The following PLA2G4B variants were observed in gnomAD, a reference collection of about 807,000 sequenced individuals.
PLA2G4B encodes phospholipase A2 group IVB, also known as cytosolic phospholipase A2 beta.
In PLA2G4B, 122 loss-of-function variants were observed where a neutral mutation model predicts 95.8. That is an observed-to-expected ratio of 1.27 (90% CI 1.10 to 1.48). PLA2G4B has a LOEUF of 1.48. Among genes scored for constraint, PLA2G4B ranks in the 40% most tolerant of loss-of-function variants. The pLI is 0.00. For missense variants in PLA2G4B, 1,158 were observed against 996.2 expected (o/e 1.16, Z -2.19); for synonymous variants, 518 against 421.5 (o/e 1.23, Z -2.80).
In PLA2G4B at chr15:41,848,125, C is replaced by T; in HGVS notation, c.*265C>T. ...CCTTGAGTAGTTGGAGCACTTGATACATCACAGACTCATACAAATGTGAGG... is the reference window on the plus strand; with the variant it reads ...CCTTGAGTAGTTGGAGCACTTGATATATCACAGACTCATACAAATGTGAGG... On this transcript the variant is annotated 3_prime_UTR_variant, in exon 20 of 20. Transcript: ENST00000458483. 1.7e-6 allele frequency: 1 copy of T among 576,218 alleles called. No individual in the cohort carries two copies. Among genetic ancestry groups the T allele is most frequent in the Non-Finnish European group, 3.1e-6 (1 of 323,126 alleles). 35.7% of individuals were successfully genotyped at this position (576,218 alleles called of 1,614,324 possible).
In PLA2G4B at chr15:41,840,832, T is replaced by A; in HGVS notation, c.278T>A (p.Leu93Ter). Residue 93 changes from leucine (L) to a stop codon, truncating the protein, a stop_gained, in exon 4 of 20, where the codon TTG becomes TAG. Transcript: ENST00000458483. LOFTEE classifies it high-confidence loss of function. ...CTGGTGACCGGAGATGACCCTGTGT[T>A]GTCAGTACTGTTTGATGCGGGGACT... Reference protein sequence around the residue: ...QDLVTGDDPVLSVLFDAGTLR... With the variant: ...QDLVTGDDPV 1 of 1,614,096 alleles carries A rather than the reference T, an allele frequency of 6.2e-7. No individual in the cohort carries two copies. The highest frequency in any genetic ancestry group is 1.3e-5 in the African/African-American group (1 of 75,048).
chr15:41,847,365 A>T lies in PLA2G4B; in HGVS notation c.1976A>T (p.Gln659Leu). ...TTGCAGCTCCTGGGCCGGTTCTGCC[A>T]GGAGCAGGGGATCCCGTTCCCACCC... ...QQLQLLGRFC[Q>L]EQGIPFPPIS... Residue 659 changes from glutamine to leucine, a missense_variant, in exon 19 of 20, where the codon CAG becomes CTG. Physicochemically the swap from Gln to Leu is moderately radical, Grantham distance 113. Transcript: ENST00000458483. 6.2e-7 allele frequency: 1 copy of T among 1,608,840 alleles called. No individual in the cohort carries two copies.
intron 9 of PLA2G4B, 119 bp from the exon 10 acceptor site, chr15:41,842,435 G>C: frequency 6.4e-7 from 1 of 1,564,916 alleles, no homozygotes; most frequent in Non-Finnish European, 8.6e-7. Context: ...CCTGCTTCAG[G>C]CCTGGCGCCT....
intron 11 of PLA2G4B, 133 bp from the exon 12 acceptor site, chr15:41,844,338 G>C: frequency 6.9e-7 from 1 of 1,459,734 alleles, no homozygotes; most frequent in East Asian, 2.3e-5. Flanking sequence ...GGCTGACTGA[G>C]AACTGGTCCC....
Position 41,844,546 on chromosome 15 carries a change from C to G in PLA2G4B, c.955C>G (p.Leu319Val), listed in dbSNP as rs761102637. The G allele has an allele frequency of 1.2e-6, 2 of 1,614,210 alleles. No homozygotes were observed. Among genetic ancestry groups the G allele is most frequent in the Non-Finnish European group, 1.7e-6 (2 of 1,180,020 alleles). Residue 319 changes from leucine (L) to valine (V), a missense_variant, in exon 12 of 20, where the codon CTG becomes GTG. Physicochemically the swap from Leu to Val is conservative, Grantham distance 32. Transcript: ENST00000458483. ...TTCCCTGTATGGGCAGCTGGCTGGC[C>G]TGAAGGAGCTGGGCCTCTTGGATTG... Reference protein sequence around the residue: ...MTSLYGQLAGLKELGLLDCVS... With the variant: ...MTSLYGQLAGVKELGLLDCVS...
Position 41,841,961 on chromosome 15 carries a change from C to CG in PLA2G4B, c.621+13dup. ...GTATTCGCCTGCAGGTAGTGTGCCTCGCTCCCTCGAGGTGGGGCCCCCAGA... is the reference window on the plus strand; with the variant it reads ...GTATTCGCCTGCAGGTAGTGTGCCTCGGCTCCCTCGAGGTGGGGCCCCCAGA... On this transcript the variant is annotated intron_variant, in intron 8 of 19. Transcript: ENST00000458483. 6.2e-7 allele frequency: 1 copy of CG among 1,607,030 alleles called. No homozygotes were observed. The highest frequency in any genetic ancestry group is 1.1e-5 in the South Asian group (1 of 90,630).
Position 41,847,697 on chromosome 15 carries a change from C to T in PLA2G4B, c.2183C>T (p.Ser728Phe). Residue 728 changes from serine (S) to phenylalanine (F), a missense_variant, in exon 20 of 20, where the codon TCT becomes TTT. Ser to Phe is a radical substitution (Grantham distance 155, BLOSUM62 -2). Coordinates refer to ENST00000458483, the MANE Select transcript of PLA2G4B (RefSeq NM_001114633.2). ...GCGGCAGCTGGGGAGGTGAACCTGT[C>T]TTCATCGGACTCTCCCTACCACTAC... ...EEAAAGEVNL[S>F]SSDSPYHYTK... 2 of 1,613,688 alleles carry T rather than the reference C, an allele frequency of 1.2e-6. No individual in the cohort carries two copies. Among genetic ancestry groups the T allele is most frequent in the Non-Finnish European group, 1.7e-6 (2 of 1,180,054 alleles).
At position 41,846,366 on chromosome 15, in the gene PLA2G4B, C is replaced by T. The variant is rs1452388884; in HGVS notation, c.1764C>T (p.His588=). ...HFHKDYFQHP[H]FSTWKATTLD... ...ACAAAGACTACTTTCAGCATCCTCACTTCTCCACATGGAAAGGTACCTGCT... is the reference window on the plus strand; with the variant it reads ...ACAAAGACTACTTTCAGCATCCTCATTTCTCCACATGGAAAGGTACCTGCT... The change falls in exon 17 of 20, where the codon CAC becomes CAT. Residue 588 remains histidine (H), a synonymous_variant. Transcript: ENST00000458483. 1 of 1,606,456 alleles carries T rather than the reference C, an allele frequency of 6.2e-7. No homozygotes were observed. The highest frequency in any genetic ancestry group is 8.5e-7 in the Non-Finnish European group (1 of 1,173,372).
intron 11 of PLA2G4B, among the ~76,000 whole-genome samples, chr15:41,844,109 G>T (rs1216020180): frequency 6.6e-6 from 1 of 152,206 alleles, no homozygotes; most frequent in Non-Finnish European, 1.5e-5. Flanking sequence ...GTTGGCCCAG[G>T]GTGCTTCAGG....
chr15:41,845,476 T>G, intron 14 of PLA2G4B, 156 bp downstream of exon 14: 3 of 1,448,278 alleles, frequency 2.1e-6, no homozygotes, highest in South Asian at 1.4e-5. Context: ...CCTCAGCCCT[T>G]TGGGAAGGAG....
Position 41,840,898 on chromosome 15 carries a change from GC to G in PLA2G4B, c.347del (p.Pro116LeufsTer87). On this transcript the variant is annotated frameshift_variant, in exon 4 of 20. Transcript: ENST00000458483. LOFTEE classifies it high-confidence loss of function. The part of the protein sequence containing the change: ...GEFRRESFSL[S>X]PQGEGRLEVE... ...TTCCGGCGCGAGAGCTTCTCACTGA[GC>G]CCTCAGGCAAGGCGGTGTTTCCACG... The G allele has an allele frequency of 6.2e-7, 1 of 1,612,948 alleles. No individual in the cohort carries two copies. Among genetic ancestry groups the G allele is most frequent in the African/African-American group, 1.3e-5 (1 of 75,026 alleles).
chr15:41,847,637 C>G lies in PLA2G4B; in HGVS notation c.2135-12C>G. 1 of 1,613,606 alleles carries G rather than the reference C, an allele frequency of 6.2e-7. No individual in the cohort carries two copies. The highest frequency in any genetic ancestry group is 1.1e-5 in the South Asian group (1 of 91,088). On this transcript the variant is annotated splice_polypyrimidine_tract_variant and intron_variant, in intron 19 of 19. Coordinates refer to ENST00000458483, the MANE Select transcript of PLA2G4B (RefSeq NM_001114633.2). The stretch of plus-strand genomic sequence containing the variant: ...AACGTGTTCCCCATGCCAGGCTGCA[C>G]TCTCTCCACAGGGGTCCGGCGGACA...
In PLA2G4B at chr15:41,841,243, C is replaced by T. The variant is rs371407495; in HGVS notation, c.405C>T (p.Gly135=). The change falls in exon 6 of 20, where the codon GGC becomes GGT. Residue 135 remains glycine, a synonymous_variant. Transcript: ENST00000458483. The part of the protein sequence containing the change: ...EFRLQSLADR[G]EWLVSNGVLV... ...GGGCTCTTTCCAGGGCTGACCGTGG[C>T]GAGTGGCTCGTCAGCAATGGCGTTC... 12 of 1,613,468 alleles carry T rather than the reference C, an allele frequency of 7.4e-6. No homozygotes were observed. The highest frequency in any genetic ancestry group is 6.7e-5 in the African/African-American group (5 of 74,866).
At chr15:41,840,723 C>T (rs776901815) in intron 3 of PLA2G4B, 51 bp from the exon 4 acceptor site, 10 of 1,607,036 alleles carry the variant, frequency 6.2e-6, no homozygotes, top group Middle Eastern at 1.7e-4. Flanking sequence ...CTGCCCTGCT[C>T]ACCTTTCTGT....
At position 41,847,471 on chromosome 15, in the gene PLA2G4B, G is replaced by T; in HGVS notation, c.2082G>T (p.Ala694=). The T allele has an allele frequency of 6.2e-7, 1 of 1,612,238 alleles. No homozygotes were observed. The highest frequency in any genetic ancestry group is 1.1e-5 in the South Asian group (1 of 90,990). Residue 694 remains alanine (A), a synonymous_variant, in exon 19 of 20, where the codon GCG becomes GCT. Coordinates refer to ENST00000458483, the MANE Select transcript of PLA2G4B (RefSeq NM_001114633.2). ...ACCCCACCTGCCCCGGAGCCCCTGC[G>T]GTGCTGCACTTTCCTCTGGTCAGCG... ...FSDPTCPGAP[A]VLHFPLVSDS... is the part of the protein sequence containing the mutation.
rs926136271 is a variant in PLA2G4B, at chr15:41,844,537, C to A, written c.946C>A (p.Leu316Met). 1 of 1,614,088 alleles carries A rather than the reference C, an allele frequency of 6.2e-7. No homozygotes were observed. The highest frequency in any genetic ancestry group is 8.5e-7 in the Non-Finnish European group (1 of 1,180,038). ...IRAMTSLYGQ[L>M]AGLKELGLLD... is the part of the protein sequence containing the mutation. ...GGCAATGACTTCCCTGTATGGGCAG[C>A]TGGCTGGCCTGAAGGAGCTGGGCCT... Residue 316 changes from leucine to methionine, a missense_variant, in exon 12 of 20, where the codon CTG (leucine) becomes ATG (methionine). Leu to Met is a conservative substitution (Grantham distance 15). Transcript: ENST00000458483.
rs764375225 is a variant in PLA2G4B at position 41,845,062 on chromosome 15, C to T, written c.1231C>T (p.His411Tyr). 1.9e-6 allele frequency: 3 copies of T among 1,598,156 alleles called. No homozygotes were observed. The highest frequency in any genetic ancestry group is 2.3e-5 in the East Asian group (1 of 43,920). Residue 411 changes from histidine to tyrosine, a missense_variant, in exon 13 of 20, where the codon CAT becomes TAT. By Grantham distance (83) the His-to-Tyr change is moderately conservative. Coordinates refer to ENST00000458483, the MANE Select transcript of PLA2G4B (RefSeq NM_001114633.2). Reference sequence around the variant, plus strand: ...GGCCCTCATCAACGAGGCGCTGCTGCATGATGAGGTGCGGGGGCTGCGGCC... The same window carrying T: ...GGCCCTCATCAACGAGGCGCTGCTGTATGATGAGGTGCGGGGGCTGCGGCC... ...LWALINEALLHDEPHDHKLSD... is the reference protein window; with the variant it reads ...LWALINEALLYDEPHDHKLSD...
Position 41,846,322 on chromosome 15 carries a change from C to A in PLA2G4B, c.1720C>A (p.Leu574Met). Residue 574 changes from leucine (L) to methionine (M), a missense_variant, in exon 17 of 20, where the codon CTG becomes ATG. Leu to Met is a conservative substitution (Grantham distance 15, BLOSUM62 2). Transcript: ENST00000458483. ...ACTGGCCCAGGCCACACATAATTTCCTGCGTGGCCTCCATTTCCACAAAGA... is the reference window on the plus strand; with the variant it reads ...ACTGGCCCAGGCCACACATAATTTCATGCGTGGCCTCCATTTCCACAAAGA... ...RPLAQATHNF[L>M]RGLHFHKDYF... 1 of 1,612,438 alleles carries A rather than the reference C, an allele frequency of 6.2e-7. No homozygotes were observed. The highest frequency in any genetic ancestry group is 1.1e-5 in the South Asian group (1 of 91,070).
Position 41,845,937 on chromosome 15 carries a change from T to C in PLA2G4B, c.1496-6T>C. The C allele has an allele frequency of 6.6e-7, 1 of 1,515,008 alleles. No homozygotes were observed. The highest frequency in any genetic ancestry group is 8.8e-7 in the Non-Finnish European group (1 of 1,132,074). 93.8% of individuals were successfully genotyped at this position (1,515,008 alleles called of 1,614,324 possible). A position where few individuals can be genotyped will look rare whatever the true frequency, so the allele number is the denominator to read the frequency against. ...GGGCCCTCTTCCCTCACGGCCGCTC[T>C]TTCAGGTATCTGGAGCAACCTGTAT... On this transcript the variant is annotated splice_region_variant and splice_polypyrimidine_tract_variant and intron_variant, in intron 15 of 19. Coordinates refer to ENST00000458483, the MANE Select transcript of PLA2G4B (RefSeq NM_001114633.2).
Sources: allele counts gnomAD v4.1 joint callset (sites outside exome capture counted in the v4.1 genomes callset), GRCh38; gene constraint gnomAD v4.1.1; transcripts MANE v1.5; gene names NCBI Gene and HGNC (gene_info 2026-07-23, HGNC 2026-07-21).